The following DOCK2 variants were observed in gnomAD, a reference collection of about 807,000 sequenced individuals.
The protein encoded by DOCK2 is dedicator of cytokinesis 2, also known as dedicator of cytokinesis protein 2.
Under a neutral mutation model 248.9 loss-of-function variants are expected in DOCK2, and 87 were observed. The ratio of observed to expected loss-of-function variants is 0.35; its 90% confidence interval spans 0.29 to 0.42. The LOEUF is 0.42. Among genes scored for constraint, DOCK2 ranks in the 10% least tolerant of loss-of-function variants. The pLI is 1.00. For synonymous variants in DOCK2, 805 were observed against 821.6 expected (o/e 0.98, Z 0.35); for missense variants, 1,747 against 2,300.2 (o/e 0.76, Z 4.92).
chr5:169,859,344 G>A (rs1771054541), intron 27 of DOCK2, among the ~76,000 whole-genome samples: 1 of 152,154 alleles, frequency 6.6e-6, no homozygotes, highest in Non-Finnish European at 1.5e-5. Context: ...AAGATGGGGA[G>A]GAAGTTGAGG....
chr5:169,757,441 A>G (rs1254488583), intron 23 of DOCK2, among the ~76,000 whole-genome samples: 1 of 152,160 alleles, frequency 6.6e-6, no homozygotes, highest in Non-Finnish European at 1.5e-5. Flanking sequence ...CTTTTCCCCT[A>G]CAGAATACCT....
chr5:169,725,737 A>G (rs951961444), intron 22 of DOCK2, among the ~76,000 whole-genome samples: 5 of 150,140 alleles, frequency 3.3e-5, no homozygotes, highest in Non-Finnish European at 5.9e-5. Flanking sequence ...CCTCTCACCT[A>G]TGAGTGAGAA....
At chr5:169,736,214 T>C (rs530846782) in intron 22 of DOCK2, among the ~76,000 whole-genome samples, 6 of 152,240 alleles carry the variant, frequency 3.9e-5, no homozygotes, top group African/African-American at 1.4e-4. Context: ...GTCCATGATT[T>C]TTGAGTTTTT....
chr5:170,057,483 G>A (rs751934233), intron 43 of DOCK2, 97 bp from the exon 44 acceptor site: 37 of 1,022,810 alleles, frequency 3.6e-5, no homozygotes, highest in Non-Finnish European at 5.4e-5. Context: ...GGAGGCCCGG[G>A]GACCTGGCTG....
intron 27 of DOCK2, among the ~76,000 whole-genome samples, chr5:169,936,130 T>C (rs1013282357): frequency 1.3e-5 from 2 of 152,212 alleles, no homozygotes; most frequent in Admixed American, 6.5e-5. Flanking sequence ...AAACCACCTG[T>C]CTGCCCTTGA....
intron 27 of DOCK2, among the ~76,000 whole-genome samples, chr5:169,879,052 A>G (rs1772485616): frequency 6.6e-6 from 1 of 152,174 alleles, no homozygotes; most frequent in South Asian, 2.1e-4. Flanking sequence ...ATGACCCCAC[A>G]TGTCTTGATA....
intron 25 of DOCK2, among the ~76,000 whole-genome samples, chr5:169,799,986 G>A (rs1314671725): frequency 1.3e-5 from 2 of 151,988 alleles, no homozygotes; most frequent in East Asian, 3.9e-4. Flanking sequence ...TAAATTTTTG[G>A]TAGAGATGGG....
chr5:169,905,779 G>A (rs1019108348), intron 27 of DOCK2, among the ~76,000 whole-genome samples: 1 of 152,324 alleles, frequency 6.6e-6, no homozygotes, highest in South Asian at 2.1e-4. Flanking sequence ...CCACAGCTGC[G>A]ATTGGTCCTC....
At chr5:169,945,905 T>C (rs1776430324) in intron 27 of DOCK2, among the ~76,000 whole-genome samples, 1 of 152,220 alleles carries the variant, frequency 6.6e-6, no homozygotes, top group Admixed American at 6.5e-5. Context: ...TGTGGCTCTT[T>C]TCCAGAAAAG....
chr5:169,969,956 A>G (rs1581486023), intron 27 of DOCK2, among the ~76,000 whole-genome samples: 1 of 152,260 alleles, frequency 6.6e-6, no homozygotes, highest in East Asian at 1.9e-4. Context: ...CAACAAATTC[A>G]AATGTTTTAA....
chr5:169,932,143 G>A (rs1250307061), intron 27 of DOCK2, among the ~76,000 whole-genome samples: 1 of 152,196 alleles, frequency 6.6e-6, no homozygotes, highest in Non-Finnish European at 1.5e-5. Context: ...AAGAGCATAT[G>A]ATGGAGGTGA....
chr5:169,972,855 C>T (rs185603541), intron 27 of DOCK2, among the ~76,000 whole-genome samples: 87 of 152,196 alleles, frequency 5.7e-4, no homozygotes, highest in Non-Finnish European at 6.9e-4. Context: ...TTAAGCACTG[C>T]GGAATTGAGC....
intron 27 of DOCK2, among the ~76,000 whole-genome samples, chr5:169,904,260 T>C (rs1774144950): frequency 6.6e-6 from 1 of 152,174 alleles, no homozygotes; most frequent in Non-Finnish European, 1.5e-5. Flanking sequence ...TTCAAGCAAG[T>C]ACTTGAAAGC....
intron 33 of DOCK2, among the ~76,000 whole-genome samples, chr5:170,022,630 G>A (rs563645588): frequency 6.6e-6 from 1 of 152,264 alleles, no homozygotes; most frequent in South Asian, 2.1e-4. Context: ...ACCCCATTGT[G>A]GCCGGCTTGG....
chr5:169,855,547 T>A (rs1218543470), intron 27 of DOCK2, among the ~76,000 whole-genome samples: 1 of 152,130 alleles, frequency 6.6e-6, no homozygotes, highest in Non-Finnish European at 1.5e-5. Context: ...ACTAGAGATA[T>A]AAAAACCAGG....
intron 30 of DOCK2, among the ~76,000 whole-genome samples, chr5:170,008,215 AC>A (rs1561877809): frequency 2.1e-3 from 189 of 88,726 alleles, no homozygotes; most frequent in Middle Eastern, 0.011. Flanking sequence ...AACAACAACA[AC>A]AACAACAACA....
Position 170,080,163 on chromosome 5 carries a change from C to G in DOCK2, c.5167C>G (p.Leu1723Val). The G allele has an allele frequency of 6.2e-7, 1 of 1,614,032 alleles. No individual in the cohort carries two copies. Residue 1723 changes from leucine (L) to valine (V), a missense_variant and splice_region_variant, in exon 50 of 52, where the codon CTT (leucine) becomes GTT (valine). Physicochemically the swap from Leu to Val is conservative, Grantham distance 32 (BLOSUM62 1). This residue lies in a region of DOCK2 where 513 missense variants were observed against 586.1 expected (regional missense o/e 0.88). Coordinates refer to ENST00000520908, the MANE Select transcript of DOCK2 (RefSeq NM_004946.3). ...KAAAESDLKR[L>V]SRKHEFMSDT... ...GTGTGTGTCTGGTGTATTCCTCCAG[C>G]TTTCCAGGAAGCATGAGTTCATGAG... is the stretch of plus-strand genomic sequence containing the variant.
intron 25 of DOCK2, among the ~76,000 whole-genome samples, chr5:169,775,690 A>G (rs1335622382): frequency 1.3e-5 from 2 of 152,088 alleles, no homozygotes; most frequent in African/African-American, 4.8e-5. Flanking sequence ...AAGAATGACT[A>G]TTGCCAGAAT....
At chr5:169,688,349 A>G (rs17669249) in intron 8 of DOCK2, among the ~76,000 whole-genome samples, 3,878 of 152,128 alleles carry the variant, frequency 0.025, 68 homozygotes, top group East Asian at 0.072. Context: ...ATTTCATGTC[A>G]TTTCCTCAGC....
Sources: allele counts gnomAD v4.1 joint callset (sites outside exome capture counted in the v4.1 genomes callset), GRCh38; gene constraint gnomAD v4.1.1; regional missense constraint gnomAD v4.1.1; transcripts MANE v1.5; gene names NCBI Gene and HGNC (gene_info 2026-07-23, HGNC 2026-07-21).